CASR: variants seen among roughly 807,000 people sequenced by gnomAD.
CASR encodes the protein calcium sensing receptor.
Under a neutral mutation model 69.1 loss-of-function variants are expected in CASR, and 23 were observed. That is an observed-to-expected ratio of 0.33 (90% CI 0.24 to 0.47). The LOEUF is 0.47. CASR is among the 20% of genes least tolerant of loss of function. The probability of loss-of-function intolerance (pLI) is 1.00; values close to 1 mark genes in which losing one functional copy is unlikely to be tolerated. For synonymous variants in CASR, 541 were observed against 544.7 expected (o/e 0.99, Z 0.10); for missense variants, 924 against 1,356.1 (o/e 0.68, Z 5.00).
At position 122,238,447 on chromosome 3, in the gene CASR, G is replaced by A. The variant is rs539623093; in HGVS notation, c.-242-15501G>A. ...GCAAGCCTCACCACCACGTGTTAAAGTGCTCTGGGGTCTTACATAAGCTTG... is the reference window on the plus strand; with the variant it reads ...GCAAGCCTCACCACCACGTGTTAAAATGCTCTGGGGTCTTACATAAGCTTG... On this transcript the variant is annotated intron_variant, in intron 1 of 6. Coordinates refer to ENST00000639785, the MANE Select transcript of CASR (RefSeq NM_000388.4). Among the ~76,000 whole-genome samples, 30 of 152,322 alleles carry A rather than the reference G, an allele frequency of 2.0e-4. No homozygotes were observed. The South Asian group carries it at 6.2e-3, about 32-fold the overall frequency.
chr3:122,239,066 G>A (rs1476299516), intron 1 of CASR, among the ~76,000 whole-genome samples: 2 of 152,074 alleles, frequency 1.3e-5, no homozygotes, highest in South Asian at 2.1e-4. Context: ...TTTCTTGCTG[G>A]TACCTTAGGT....
chr3:122,217,187 C>A (rs1219978857), intron 1 of CASR, among the ~76,000 whole-genome samples: 3 of 151,670 alleles, frequency 2.0e-5, no homozygotes, highest in East Asian at 3.9e-4. Context: ...CTCACTGCAA[C>A]CTCCATCTCC....
intron 1 of CASR, among the ~76,000 whole-genome samples, chr3:122,203,807 T>A (rs1336758692): frequency 6.6e-6 from 1 of 152,240 alleles, no homozygotes; most frequent in Non-Finnish European, 1.5e-5. Context: ...GTGATAGGAA[T>A]TTTTTAGCTC....
intron 4 of CASR, among the ~76,000 whole-genome samples, chr3:122,271,302 G>A (rs1178585574): frequency 6.6e-6 from 1 of 152,198 alleles, no homozygotes; most frequent in African/African-American, 2.4e-5. Context: ...TCCTGCTTTA[G>A]AGAAGTTTGG....
intron 1 of CASR, among the ~76,000 whole-genome samples, chr3:122,208,995 A>G (rs1047432131): frequency 6.6e-6 from 1 of 152,138 alleles, no homozygotes; most frequent in Non-Finnish European, 1.5e-5. Context: ...AGTATATACC[A>G]TTTCCCCTGA....
intron 4 of CASR, among the ~76,000 whole-genome samples, chr3:122,265,421 C>T (rs2074681586): frequency 6.6e-6 from 1 of 152,180 alleles, no homozygotes. Context: ...AAGCCCTCCT[C>T]ACATCCCTTC....
chr3:122,242,424 C>A (rs1466385486), intron 1 of CASR, among the ~76,000 whole-genome samples: 1 of 151,968 alleles, frequency 6.6e-6, no homozygotes, highest in African/African-American at 2.4e-5. Context: ...AAAGTAGTCC[C>A]ACGTATAATA....
At chr3:122,208,107 G>T (rs1325568697) in intron 1 of CASR, among the ~76,000 whole-genome samples, 2 of 151,774 alleles carry the variant, frequency 1.3e-5, no homozygotes, top group Non-Finnish European at 2.9e-5. Flanking sequence ...TGTTATTTTT[G>T]AGAAACTTTT....
intron 1 of CASR, among the ~76,000 whole-genome samples, chr3:122,187,038 A>G (rs1381071284): frequency 2.0e-5 from 3 of 152,208 alleles, no homozygotes; most frequent in Non-Finnish European, 4.4e-5. Context: ...ATGCTTATCC[A>G]CTTATTTTAT....
intron 1 of CASR, among the ~76,000 whole-genome samples, chr3:122,228,827 C>T (rs531287150): frequency 6.3e-4 from 96 of 152,270 alleles, no homozygotes; most frequent in African/African-American, 2.1e-3. Context: ...CCAGAACCAC[C>T]GCTGTGCCAC....
chr3:122,212,643 AT>A (rs35139115), intron 1 of CASR, among the ~76,000 whole-genome samples: 102,707 of 144,886 alleles, frequency 0.71, 36,233 homozygotes, highest in Admixed American at 0.8. Flanking sequence ...ATTTTCTACA[AT>A]TTTTTTTTTT....
chr3:122,253,988 G>A lies in CASR; in HGVS notation c.-202G>A. ...GCCTCTGCATGATGTGGCTTCCAAAGACTCAAGGACCACCCACATTACAAG... is the reference window on the plus strand; with the variant it reads ...GCCTCTGCATGATGTGGCTTCCAAAAACTCAAGGACCACCCACATTACAAG... On this transcript the variant is annotated 5_prime_UTR_variant, in exon 2 of 7. Transcript: ENST00000639785. The A allele has an allele frequency of 1.6e-6, 1 of 622,544 alleles. No individual in the cohort carries two copies. Among genetic ancestry groups the A allele is most frequent in the South Asian group, 1.8e-5 (1 of 54,924 alleles). 38.6% of individuals were successfully genotyped at this position (622,544 alleles called of 1,614,324 possible).
chr3:122,221,432 T>TG (rs2074170702), intron 1 of CASR, among the ~76,000 whole-genome samples: 1 of 152,158 alleles, frequency 6.6e-6, no homozygotes, highest in Non-Finnish European at 1.5e-5. Flanking sequence ...TGGCTCACAG[T>TG]GGGGCAGAGT....
chr3:122,275,880 T>C lies in CASR; in HGVS notation c.1446T>C (p.Cys482=). The part of the protein sequence containing the change: ...NMGEQVTFDE[C]GDLVGNYSII... ...GGGAGCAGGTGACCTTTGATGAGTG[T>C]GGTGACCTGGTGGGGAACTATTCCA... is the stretch of plus-strand genomic sequence containing the variant. The change falls in exon 5 of 7, where the codon TGT becomes TGC. Residue 482 remains cysteine, a synonymous_variant. Transcript: ENST00000639785. The C allele has an allele frequency of 3.1e-6, 5 of 1,614,118 alleles. No homozygotes were observed. The highest frequency in any genetic ancestry group is 4.2e-6 in the Non-Finnish European group (5 of 1,179,960).
rs554972923 is a variant in CASR at position 122,187,617 on chromosome 3, G to A, written c.-243+3805G>A. Reference sequence around the variant, plus strand: ...AAGGGAGTGGTCAATTCTACCAAAGGAGGAAGGGTCAGGGAAAGGTTCTTG... The same window carrying A: ...AAGGGAGTGGTCAATTCTACCAAAGAAGGAAGGGTCAGGGAAAGGTTCTTG... On this transcript the variant is annotated intron_variant, in intron 1 of 6. Coordinates refer to ENST00000639785, the MANE Select transcript of CASR (RefSeq NM_000388.4). 5.8e-4 allele frequency among the ~76,000 whole-genome samples: 88 copies of A among 152,304 alleles called. 1 individual carries two copies. The highest frequency in any genetic ancestry group is 1.9e-3 in the African/African-American group (80 of 41,576).
Position 122,223,742 on chromosome 3 carries a change from A to T in CASR, c.-242-30206A>T, listed in dbSNP as rs564342102. ...AACCTGGCAAAGACACAACCAAAAAAGAAAACTTCAGACAATATTCCTGAT... is the reference window on the plus strand; with the variant it reads ...AACCTGGCAAAGACACAACCAAAAATGAAAACTTCAGACAATATTCCTGAT... On this transcript the variant is annotated intron_variant, in intron 1 of 6. Coordinates refer to ENST00000639785, the MANE Select transcript of CASR (RefSeq NM_000388.4). Among the ~76,000 whole-genome samples the T allele has an allele frequency of 1.1e-3, 169 of 152,318 alleles. 1 individual carries two copies. Among genetic ancestry groups the T allele is most frequent in the African/African-American group, 3.8e-3 (157 of 41,580 alleles).
Position 122,290,176 on chromosome 3 carries a change from GCAC to G in CASR, c.*4987_*4989del, listed in dbSNP as rs1291532471. 6.6e-6 allele frequency: 1 copy of G among 152,092 alleles called. No individual in the cohort carries two copies. The highest frequency in any genetic ancestry group is 1.5e-5 in the Non-Finnish European group (1 of 68,016). The allele number at this position is 152,092 out of a possible 1,614,324, so 9.4% of individuals were successfully genotyped here. On this transcript the variant is annotated 3_prime_UTR_variant, in exon 7 of 7. Coordinates refer to ENST00000639785, the MANE Select transcript of CASR (RefSeq NM_000388.4). ...CCAGCTCCCTGCCTCTAAAATGTGG[GCAC>G]CTGGGTAACTAGATAGCGCAGGAAG...
chr3:122,261,657 T>A lies in CASR; in HGVS notation c.622T>A (p.Trp208Arg). Reference sequence around the variant, plus strand: ...CATCATCGAGTATTTCCGCTGGAACTGGGTGGGCACAATTGCAGCTGATGA... The same window carrying A: ...CATCATCGAGTATTTCCGCTGGAACAGGGTGGGCACAATTGCAGCTGATGA... ...ADIIEYFRWNWVGTIAADDDY... is the reference protein window; with the variant it reads ...ADIIEYFRWNRVGTIAADDDY... The change falls in exon 4 of 7, where the codon TGG becomes AGG. Residue 208 changes from tryptophan (W) to arginine (R), a missense_variant. This residue lies in a region of CASR where 141 missense variants were observed against 283.0 expected (regional missense o/e 0.50). Coordinates refer to ENST00000639785, the MANE Select transcript of CASR (RefSeq NM_000388.4). 6.2e-7 allele frequency: 1 copy of A among 1,614,196 alleles called. No homozygotes were observed. Among genetic ancestry groups the A allele is most frequent in the Non-Finnish European group, 8.5e-7 (1 of 1,180,024 alleles).
rs6438718 is a variant in CASR at position 122,285,765 on chromosome 3, C to G, written c.*574C>G. The G allele has an allele frequency of 0.97, 157,831 of 162,322 alleles. 76,913 individuals carry two copies. Among genetic ancestry groups the G allele is most frequent in the East Asian group, 1 (5,926 of 5,926 alleles). The allele number at this position is 162,322 out of a possible 1,614,324, so 10.1% of individuals were successfully genotyped here. On this transcript the variant is annotated 3_prime_UTR_variant, in exon 7 of 7. Transcript: ENST00000639785. ...GCACCCCTCCTATACCATATGTCTG[C>G]TTCTGTCCAGGACATGATACTGATG...
Sources: gnomAD v4.1 joint callset for allele counts (sites outside exome capture counted in the v4.1 genomes callset) on GRCh38, gnomAD v4.1.1 for gene constraint, gnomAD v4.1.1 regional missense constraint, MANE v1.5 for transcripts, NCBI Gene and HGNC (gene_info 2026-07-23, HGNC 2026-07-21) for gene names.